Variants in DLG2 observed in about 807,000 individuals in gnomAD.
DLG2 encodes the protein disks large homolog 2.
DLG2 carries 45 observed loss-of-function variants against 132.5 expected under a neutral mutation model. That is an observed-to-expected ratio of 0.34 (90% confidence interval 0.27 to 0.44). DLG2 has a LOEUF of 0.44. DLG2 is among the 20% of genes least tolerant of loss of function. The pLI is 1.00. For missense variants in DLG2, 1,045 were observed against 1,196.9 expected (o/e 0.87, Z 1.87); for synonymous variants, 424 against 419.6 (o/e 1.01, Z -0.13).
In DLG2 at chr11:83,853,470, T is replaced by C. The variant is rs573444977; in HGVS notation, c.1566-19700A>G. On this transcript the variant is annotated intron_variant, in intron 16 of 27. Coordinates refer to ENST00000376104, the MANE Select transcript of DLG2 (RefSeq NM_001142699.3). The stretch of plus-strand genomic sequence containing the variant: ...TCCACTGTGGCTAGGATTATTACCA[T>C]AAAGCAGATGGTTTCTGCTCCCAAG... Among the ~76,000 whole-genome samples, 7 of 152,288 alleles carry C rather than the reference T, an allele frequency of 4.6e-5. No homozygotes were observed. In the East Asian group the frequency reaches 1.3e-3, roughly 29 times the overall value.
chr11:84,046,444 T>TCTA (rs1335447712), intron 11 of DLG2, among the ~76,000 whole-genome samples: 2 of 151,578 alleles, frequency 1.3e-5, no homozygotes, highest in African/African-American at 2.4e-5. Flanking sequence ...TCATTTTGAC[T>TCTA]CTACTACTAC....
chr11:84,245,851 T>C, intron 8 of DLG2, among the ~76,000 whole-genome samples: 1 of 152,186 alleles, frequency 6.6e-6, no homozygotes, highest in Admixed American at 6.5e-5. Flanking sequence ...TCTCAGCCCT[T>C]TATTTAAGGC....
rs1400392784 is a variant in DLG2 at position 84,342,822 on chromosome 11, C to T, written c.520-91531G>A. ...TCTAAAATAGTGAAATAGGACTTGGCGCCAACACCGATAATATCAACATGC... is the reference window on the plus strand; with the variant it reads ...TCTAAAATAGTGAAATAGGACTTGGTGCCAACACCGATAATATCAACATGC... On this transcript the variant is annotated intron_variant, in intron 7 of 27. Transcript: ENST00000376104. 2.6e-5 allele frequency among the ~76,000 whole-genome samples: 4 copies of T among 152,136 alleles called. No individual in the cohort carries two copies. In the South Asian group the frequency reaches 8.3e-4, roughly 32 times the overall value.
chr11:84,566,144 C>A (rs1019374348), intron 6 of DLG2, among the ~76,000 whole-genome samples: 7 of 151,606 alleles, frequency 4.6e-5, no homozygotes, highest in African/African-American at 1.2e-4. Flanking sequence ...TGTATTTTTA[C>A]TAGAGATGGG....
chr11:84,609,116 G>A (rs2099590845), intron 6 of DLG2, among the ~76,000 whole-genome samples: 1 of 152,128 alleles, frequency 6.6e-6, no homozygotes, highest in South Asian at 2.1e-4. Flanking sequence ...GGCACAAAGT[G>A]TCTCTGGGAG....
At chr11:85,519,210 TCCA>T (rs2094229945) in intron 3 of DLG2, among the ~76,000 whole-genome samples, 1 of 152,000 alleles carries the variant, frequency 6.6e-6, no homozygotes, top group African/African-American at 2.4e-5. Context: ...GAATGGTAGA[TCCA>T]CTGACAGCCT....
chr11:84,856,496 T>C (rs1213266726), intron 6 of DLG2, among the ~76,000 whole-genome samples: 1 of 152,112 alleles, frequency 6.6e-6, no homozygotes, highest in Non-Finnish European at 1.5e-5. Context: ...TACCACTGTG[T>C]TACCCTTCAC....
At chr11:84,338,928 T>C (rs1047214794) in intron 7 of DLG2, among the ~76,000 whole-genome samples, 3 of 152,228 alleles carry the variant, frequency 2.0e-5, no homozygotes, top group African/African-American at 7.2e-5. Context: ...TTACTAGTCA[T>C]AAATGTGGAT....
chr11:84,792,262 T>C (rs1720734477), intron 6 of DLG2, among the ~76,000 whole-genome samples: 1 of 152,200 alleles, frequency 6.6e-6, no homozygotes, highest in Non-Finnish European at 1.5e-5. Context: ...TGAAACGTCC[T>C]TGTGTCACTG....
intron 6 of DLG2, among the ~76,000 whole-genome samples, chr11:84,891,916 A>G (rs2089460664): frequency 6.6e-6 from 1 of 152,168 alleles, no homozygotes; most frequent in Non-Finnish European, 1.5e-5. Flanking sequence ...TTATTATAAT[A>G]CTTCTCAAAC....
At chr11:85,159,600 A>G (rs2077871211) in intron 4 of DLG2, among the ~76,000 whole-genome samples, 1 of 152,224 alleles carries the variant, frequency 6.6e-6, no homozygotes, top group Admixed American at 6.5e-5. Context: ...ACAGTGGATT[A>G]TCATAAGCTT....
chr11:85,301,007 C>T (rs1435415297), intron 3 of DLG2, among the ~76,000 whole-genome samples: 1 of 152,088 alleles, frequency 6.6e-6, no homozygotes, highest in Non-Finnish European at 1.5e-5. Context: ...TCAAGACCAT[C>T]CTGGCCAACA....
intron 3 of DLG2, among the ~76,000 whole-genome samples, chr11:85,375,538 CAA>C (rs956236632): frequency 6.6e-6 from 1 of 152,034 alleles, no homozygotes; most frequent in African/African-American, 2.4e-5. Flanking sequence ...AAAACAACAA[CAA>C]AAAAACTGTC....
At chr11:83,679,743 T>C (rs964051707) in intron 18 of DLG2, among the ~76,000 whole-genome samples, 5 of 152,210 alleles carry the variant, frequency 3.3e-5, no homozygotes, top group African/African-American at 1.2e-4. Context: ...TGCTAAACAG[T>C]ATACTATTTG....
intron 15 of DLG2, among the ~76,000 whole-genome samples, chr11:83,885,831 T>G (rs1165670818): frequency 6.6e-6 from 1 of 152,130 alleles, no homozygotes; most frequent in Non-Finnish European, 1.5e-5. Context: ...ACCCAGAATT[T>G]CATATCCAGC....
chr11:83,605,007 C>CAGAGAGAGAGAGAGAGAGTGAG (rs2059122983), intron 19 of DLG2, among the ~76,000 whole-genome samples: 1 of 129,834 alleles, frequency 7.7e-6, no homozygotes, highest in Non-Finnish European at 1.7e-5. Flanking sequence ...TTTTCAAAGA[C>CAGAGAGAGAGAGAGAGAGTGAG]AGAGAGAGAG....
intron 6 of DLG2, among the ~76,000 whole-genome samples, chr11:84,896,026 G>A (rs1265259095): frequency 6.6e-6 from 1 of 151,980 alleles, no homozygotes; most frequent in Admixed American, 6.6e-5. Context: ...TTATTAACTG[G>A]TTGATTAGTT....
At chr11:85,067,007 A>C (rs1337495702) in intron 6 of DLG2, among the ~76,000 whole-genome samples, 1 of 151,802 alleles carries the variant, frequency 6.6e-6, no homozygotes, top group African/African-American at 2.4e-5. Context: ...TTCACTGATG[A>C]TATGTGCCTA....
intron 3 of DLG2, among the ~76,000 whole-genome samples, chr11:85,503,337 C>G (rs2093849080): frequency 6.6e-6 from 1 of 152,044 alleles, no homozygotes; most frequent in Non-Finnish European, 1.5e-5. Flanking sequence ...TATTTAGTAT[C>G]CAGCCACTTC....
Sources: allele counts gnomAD v4.1 joint callset (sites outside exome capture counted in the v4.1 genomes callset), GRCh38; gene constraint gnomAD v4.1.1; transcripts MANE v1.5; gene names NCBI Gene and HGNC (gene_info 2026-07-23, HGNC 2026-07-21).